Variants in VCP observed in about 807,000 individuals in gnomAD.
VCP encodes the protein valosin containing protein.
A neutral mutation model predicts 85.7 loss-of-function variants in VCP; 6 were observed. The ratio of observed to expected loss-of-function variants is 0.07; its 90% CI spans 0.04 to 0.14. VCP has a LOEUF of 0.14. Ranked by LOEUF, VCP falls within the 10% of genes least tolerant of loss-of-function variation. VCP has a pLI of 1.00. For synonymous variants in VCP, 384 were observed against 367.1 expected, an observed-to-expected ratio of 1.05 and a Z score of -0.53; for missense variants, 353 against 1,043.4, an observed-to-expected ratio of 0.34 and a Z score of 9.12.
At chr9:35,068,444 C>CTCATACTT in intron 1 of VCP, 82 bp from the exon 2 acceptor site, 1 of 1,242,466 alleles carries the variant, frequency 8.0e-7, no homozygotes, top group South Asian at 1.2e-5. Flanking sequence ...AGGAAAGAAA[C>CTCATACTT]AGTGAATAGA....
intron 6 of VCP, 147 bp from the exon 7 acceptor site, chr9:35,063,227 A>G: frequency 1.4e-6 from 1 of 740,354 alleles, no homozygotes; most frequent in Non-Finnish European, 2.4e-6. Flanking sequence ...TAAGAAGACA[A>G]TTACTTTAGG....
chr9:35,068,509 G>C (rs1162452268), intron 1 of VCP, 147 bp from the exon 2 acceptor site: 1 of 764,842 alleles, frequency 1.3e-6, no homozygotes, highest in Admixed American at 1.9e-5. Context: ...CCAAGGTCAC[G>C]AGGAGCAGTA....
At position 35,060,340 on chromosome 9, in the gene VCP, C is replaced by T. The variant is rs763590156; in HGVS notation, c.1668G>A (p.Glu556=). 6.2e-7 allele frequency: 1 copy of T among 1,614,208 alleles called. No homozygotes were observed. The highest frequency in any genetic ancestry group is 1.3e-5 in the African/African-American group (1 of 75,068). ...ELLTMWFGES[E]ANVREIFDKA... ...TGTCAAAGATTTCTCTGACATTGGC[C>T]TCAGACTCCCCAAACCACATGGTGA... Residue 556 remains glutamate, a synonymous_variant, in exon 13 of 17, where the codon GAG becomes GAA. Coordinates refer to ENST00000358901, the MANE Select transcript of VCP (RefSeq NM_007126.5).
chr9:35,060,979 G>GT, intron 11 of VCP, 36 bp downstream of exon 11: 2 of 1,614,172 alleles, frequency 1.2e-6, no homozygotes, highest in East Asian at 2.2e-5. Flanking sequence ...GTCAAAGCAC[G>GT]TATGTGTGTA....
rs1828617917 is a variant in VCP, at chr9:35,056,885, T to C, written c.*232A>G. 7.7e-6 allele frequency: 4 copies of C among 516,582 alleles called. No homozygotes were observed. The highest frequency in any genetic ancestry group is 1.4e-5 in the Non-Finnish European group (4 of 281,334). The allele number at this position is 516,582 out of a possible 1,614,324, so 32.0% of individuals were successfully genotyped here. A position where few individuals can be genotyped will look rare whatever the true frequency, so the allele number is the denominator to read the frequency against. ...CATAGGCCCAAGGCCCAATTCCCTG[T>C]TGGTAATTCACTCTCCGCCTACCAA... On this transcript the variant is annotated 3_prime_UTR_variant, in exon 17 of 17. Coordinates refer to ENST00000358901, the MANE Select transcript of VCP (RefSeq NM_007126.5).
In VCP at chr9:35,065,231, G is replaced by T. The variant is rs749694177; in HGVS notation, c.576+20C>A. 3 of 1,614,038 alleles carry T rather than the reference G, an allele frequency of 1.9e-6. No homozygotes were observed. In the South Asian group the frequency reaches 3.3e-5, roughly 18 times the overall value. ...TGAGTAATCATAAAATCGGATACTG[G>T]AATCAGGGAGAAAACTCACCTCTCG... On this transcript the variant is annotated intron_variant, in intron 5 of 16. Transcript: ENST00000358901.
chr9:35,067,088 C>T (rs930935729), intron 3 of VCP, among the ~76,000 whole-genome samples: 2 of 152,188 alleles, frequency 1.3e-5, no homozygotes, highest in African/African-American at 2.4e-5. Context: ...GGATGATCCC[C>T]TTCTAGCTAA....
In VCP at chr9:35,060,364, G is replaced by A. The variant is rs759745417; in HGVS notation, c.1644C>T (p.Leu548=). The part of the protein sequence containing the change: ...NFISIKGPEL[L]TMWFGESEAN... ...CCTCAGACTCCCCAAACCACATGGT[G>A]AGCAGCTCAGGACCCTTGATGGAGA... The change falls in exon 13 of 17, where the codon CTC becomes CTT. Residue 548 remains leucine, a synonymous_variant. Coordinates refer to ENST00000358901, the MANE Select transcript of VCP (RefSeq NM_007126.5). 3 of 1,614,216 alleles carry A rather than the reference G, an allele frequency of 1.9e-6. No homozygotes were observed. Among genetic ancestry groups the A allele is most frequent in the Non-Finnish European group, 2.5e-6 (3 of 1,180,038 alleles).
At chr9:35,070,897 G>C (rs915074963) in intron 1 of VCP, among the ~76,000 whole-genome samples, 1 of 152,132 alleles carries the variant, frequency 6.6e-6, no homozygotes, top group African/African-American at 2.4e-5. Flanking sequence ...ATCTCTAAAA[G>C]ACTGAATTTG....
chr9:35,068,495 G>C, intron 1 of VCP, 133 bp from the exon 2 acceptor site: 1 of 823,728 alleles, frequency 1.2e-6, no homozygotes, highest in Non-Finnish European at 2.1e-6. Context: ...TGAAGGAAAG[G>C]CAGCCAAGGT....
At chr9:35,057,678 T>A in intron 15 of VCP, 148 bp from the exon 16 acceptor site, 1 of 1,075,512 alleles carries the variant, frequency 9.3e-7, no homozygotes, top group East Asian at 2.4e-5. Flanking sequence ...TAAAATTGAG[T>A]CACTGCTCTG....
In VCP at chr9:35,060,507, C is replaced by T. The variant is rs1828699881; in HGVS notation, c.1501G>A (p.Asp501Asn). The change falls in exon 13 of 17, where the codon GAC becomes AAC. Residue 501 changes from aspartate to asparagine, a missense_variant. Transcript: ENST00000358901. Reference protein sequence around the residue: ...ELVQYPVEHPDKFLKFGMTPS... With the variant: ...ELVQYPVEHPNKFLKFGMTPS... Reference sequence around the variant, plus strand: ...GTCATGCCAAACTTCAGGAATTTGTCTGGGTGCTCCACAGGATACTAGGAG... The same window carrying T: ...GTCATGCCAAACTTCAGGAATTTGTTTGGGTGCTCCACAGGATACTAGGAG... 6.2e-7 allele frequency: 1 copy of T among 1,614,034 alleles called. No homozygotes were observed. Among genetic ancestry groups the T allele is most frequent in the African/African-American group, 1.3e-5 (1 of 74,926 alleles).
At chr9:35,062,387 T>TA (rs1210785471) in intron 7 of VCP, 37 bp from the exon 8 acceptor site, 15 of 1,613,792 alleles carry the variant, frequency 9.3e-6, no homozygotes, top group Non-Finnish European at 1.2e-5. Context: ...AACAAAATGA[T>TA]AGTCTTTCCC....
intron 1 of VCP, among the ~76,000 whole-genome samples, chr9:35,068,851 T>C (rs1389067352): frequency 6.6e-6 from 1 of 152,204 alleles, no homozygotes; most frequent in African/African-American, 2.4e-5. Flanking sequence ...ATAATACTTA[T>C]CTCAGAGGCT....
At chr9:35,060,035 A>G in intron 13 of VCP, 2 of 665,804 alleles carry the variant, frequency 3.0e-6, no homozygotes, top group African/African-American at 1.8e-5. Flanking sequence ...AGGAGGCTGA[A>G]GTAGGAGAAT....
At chr9:35,065,127 C>T in intron 5 of VCP, 124 bp downstream of exon 5, 1 of 1,446,934 alleles carries the variant, frequency 6.9e-7, no homozygotes, top group South Asian at 1.2e-5. Flanking sequence ...CTCAGTCTCC[C>T]AAAGTACTGG....
chr9:35,064,331 T>C (rs762896399), intron 5 of VCP, 46 bp from the exon 6 acceptor site: 2 of 1,610,466 alleles, frequency 1.2e-6, no homozygotes, highest in Non-Finnish European at 1.7e-6. Context: ...GAATATTATA[T>C]CAGCAAAAGC....
intron 1 of VCP, among the ~76,000 whole-genome samples, chr9:35,068,613 C>G (rs1201033389): frequency 6.6e-6 from 1 of 152,024 alleles, no homozygotes; most frequent in Non-Finnish European, 1.5e-5. Flanking sequence ...TGATCCTGCC[C>G]CAGGGTCAGA....
intron 9 of VCP, 39 bp downstream of exon 9, chr9:35,061,964 C>T (rs375705533): frequency 1.2e-5 from 20 of 1,613,902 alleles, no homozygotes; most frequent in Non-Finnish European, 1.6e-5. Flanking sequence ...GAAGTAGGAC[C>T]TAAGCAAGGA....
Sources: gnomAD v4.1 joint callset for allele counts (sites outside exome capture counted in the v4.1 genomes callset) on GRCh38, gnomAD v4.1.1 for gene constraint, MANE v1.5 for transcripts, NCBI Gene and HGNC (gene_info 2026-07-23, HGNC 2026-07-21) for gene names.